TAF4B: variants seen among roughly 807,000 people sequenced by gnomAD.
TAF4B encodes the protein transcription initiation factor TFIID subunit 4B.
A neutral mutation model predicts 86.4 loss-of-function variants in TAF4B; 38 were observed. The ratio of observed to expected loss-of-function variants is 0.44; its 90% CI spans 0.34 to 0.58. The LOEUF (loss-of-function observed/expected upper bound fraction) is 0.58. TAF4B is among the 20% of genes least tolerant of loss of function. TAF4B has a pLI of 0.02. For synonymous variants in TAF4B, 388 were observed against 391.2 expected, an observed-to-expected ratio of 0.99 and a Z score of 0.10; for missense variants, 988 against 1,027.6, an observed-to-expected ratio of 0.96 and a Z score of 0.53.
intron 14 of TAF4B, among the ~76,000 whole-genome samples, chr18:26,362,503 A>G (rs77047953): frequency 0.077 from 11,793 of 152,282 alleles, 563 homozygotes; most frequent in Non-Finnish European, 0.1. Context: ...TATAATAAAC[A>G]GATTTTTAGG....
rs576801569 is a variant in TAF4B, at chr18:26,312,938, A to G, written c.1833-2291A>G. On this transcript the variant is annotated intron_variant, in intron 9 of 14. Transcript: ENST00000269142. ...TATTTTGATTGGGCAATCCATATAT[A>G]TAGTACAACATTCAAAAGATAGAAA... Among the ~76,000 whole-genome samples the G allele has an allele frequency of 5.3e-5, 8 of 152,348 alleles. No homozygotes were observed. The South Asian group carries it at 8.3e-4, about 16-fold the overall frequency.
intron 1 of TAF4B, among the ~76,000 whole-genome samples, chr18:26,230,959 A>G (rs1376448936): frequency 4.7e-5 from 7 of 149,188 alleles, no homozygotes; most frequent in Admixed American, 6.7e-5. Context: ...CAAAAGCAGT[A>G]TATGTTCATG....
In TAF4B at chr18:26,285,913, C is replaced by T; in HGVS notation, c.1004C>T (p.Pro335Leu). The T allele has an allele frequency of 1.2e-6, 2 of 1,612,042 alleles. No homozygotes were observed. Among genetic ancestry groups the T allele is most frequent in the Non-Finnish European group, 1.7e-6 (2 of 1,178,650 alleles). Residue 335 changes from proline (P) to leucine (L), a missense_variant, in exon 7 of 15, where the codon CCT becomes CTT. Pro to Leu is a moderately conservative substitution (Grantham distance 98, BLOSUM62 -3). Coordinates refer to ENST00000269142, the MANE Select transcript of TAF4B (RefSeq NM_005640.3). ...KSVVALRQLL[P>L]NSQSFIQQCV... ...GTGGTTGCCTTACGACAACTTCTGC[C>T]TAACTCCCAGAGCTTCATCCAGCAA...
At chr18:26,356,883 T>A (rs962937877) in intron 13 of TAF4B, among the ~76,000 whole-genome samples, 1 of 151,888 alleles carries the variant, frequency 6.6e-6, no homozygotes, top group Non-Finnish European at 1.5e-5. Flanking sequence ...AGGACATCTT[T>A]CATGCATACC....
In TAF4B at chr18:26,293,530, C is replaced by T. The variant is rs587777427; in HGVS notation, c.1831C>T (p.Arg611Ter). 8 of 1,538,998 alleles carry T rather than the reference C, an allele frequency of 5.2e-6. No homozygotes were observed. The highest frequency in any genetic ancestry group is 6.1e-6 in the Non-Finnish European group (7 of 1,148,782). ...AAAAGAGAATGTAACATCATGCTTC[C>T]GGTAAGAAAATAAATAGTTAAATTT... Reference protein sequence around the residue: ...RIKENVTSCFRDEDDINDVTS... With the variant: ...RIKENVTSCF Residue 611 changes from arginine to a stop codon, truncating the protein, a stop_gained and splice_region_variant, in exon 9 of 15, where the codon CGA becomes TGA. Transcript: ENST00000269142. LOFTEE classifies it high-confidence loss of function.
At chr18:26,312,564 C>G (rs1168467069) in intron 9 of TAF4B, among the ~76,000 whole-genome samples, 1 of 152,152 alleles carries the variant, frequency 6.6e-6, no homozygotes, top group African/African-American at 2.4e-5. Context: ...GGACTGTCTC[C>G]TCATTGACTG....
At chr18:26,330,579 A>AT (rs1359279709) in intron 12 of TAF4B, among the ~76,000 whole-genome samples, 21 of 152,310 alleles carry the variant, frequency 1.4e-4, no homozygotes, top group African/African-American at 4.8e-4. Flanking sequence ...GGCCTTCTCA[A>AT]TGGACAGATC....
rs199991147 is a variant in TAF4B, at chr18:26,381,360, A to G, written c.2422-8485A>G. Among the ~76,000 whole-genome samples the G allele has an allele frequency of 2.6e-5, 4 of 151,916 alleles. No homozygotes were observed. In the East Asian group the frequency reaches 7.7e-4, roughly 29 times the overall value. The stretch of plus-strand genomic sequence containing the variant: ...TGCTGTGACTCTGTTCAGAGGTACA[A>G]TGTGCATCCTTAACTGACTACACTT... On this transcript the variant is annotated intron_variant, in intron 14 of 14. Coordinates refer to ENST00000269142, the MANE Select transcript of TAF4B (RefSeq NM_005640.3).
intron 5 of TAF4B, among the ~76,000 whole-genome samples, chr18:26,276,361 A>C (rs901058246): frequency 1.2e-4 from 18 of 152,212 alleles, no homozygotes; most frequent in Admixed American, 9.2e-4. Context: ...AATATTTCAT[A>C]TTATATGCTT....
In TAF4B at chr18:26,286,142, A is replaced by G. The variant is rs2056519184; in HGVS notation, c.1233A>G (p.Thr411=). 7 of 1,614,078 alleles carry G rather than the reference A, an allele frequency of 4.3e-6. No homozygotes were observed. The highest frequency in any genetic ancestry group is 5.1e-6 in the Non-Finnish European group (6 of 1,180,024). Residue 411 remains threonine (T), a synonymous_variant, in exon 7 of 15, where the codon ACA becomes ACG. Coordinates refer to ENST00000269142, the MANE Select transcript of TAF4B (RefSeq NM_005640.3). ...TGGGAGCAAAAGCTGGAGTTGTGACACTTCATTCTGTGGGCCCAACTGCTG... is the reference window on the plus strand; with the variant it reads ...TGGGAGCAAAAGCTGGAGTTGTGACGCTTCATTCTGTGGGCCCAACTGCTG... ...GPVGAKAGVV[T]LHSVGPTAAT...
At chr18:26,291,622 G>A (rs12957340) in intron 7 of TAF4B, among the ~76,000 whole-genome samples, 60,694 of 148,962 alleles carry the variant, frequency 0.41, 12,998 homozygotes, top group African/African-American at 0.51. Context: ...CATGAGAATC[G>A]CTTGAACCTG....
Position 26,282,028 on chromosome 18 carries a change from T to C in TAF4B, c.940T>C (p.Ser314Pro), listed in dbSNP as rs1396995320. ...TRKLYVELKSSPQPHLVPFLK... is the reference protein window; with the variant it reads ...TRKLYVELKSPPQPHLVPFLK... ...GAAACTGTATGTTGAACTCAAGTCT[T>C]CACCTCAGCCTCACCTGGTTCCTTT... is the stretch of plus-strand genomic sequence containing the variant. The change falls in exon 6 of 15, where the codon TCA (serine) becomes CCA (proline). Residue 314 changes from serine to proline, a missense_variant. Ser to Pro is a moderately conservative substitution (Grantham distance 74, BLOSUM62 -1). Transcript: ENST00000269142. The C allele has an allele frequency of 1.2e-6, 2 of 1,613,554 alleles. No homozygotes were observed.
Position 26,270,690 on chromosome 18 carries a change from C to T in TAF4B, c.597+3067C>T, listed in dbSNP as rs570173534. Among the ~76,000 whole-genome samples, 5 of 150,932 alleles carry T rather than the reference C, an allele frequency of 3.3e-5. No individual in the cohort carries two copies. In the East Asian group the frequency reaches 9.6e-4, roughly 29 times the overall value. ...GGTGAAGGGGAAAATCTTTACTAAG[C>T]TTAAACTAAAACTTAGAGTTTCTTG... On this transcript the variant is annotated intron_variant, in intron 3 of 14. Transcript: ENST00000269142.
chr18:26,317,665 T>A (rs1205041631), intron 10 of TAF4B, among the ~76,000 whole-genome samples: 3 of 152,204 alleles, frequency 2.0e-5, no homozygotes, highest in Non-Finnish European at 4.4e-5. Context: ...CCATTTGAGA[T>A]CAGGGTGCCA....
chr18:26,234,755 A>G (rs2055723455), intron 1 of TAF4B, among the ~76,000 whole-genome samples: 1 of 152,196 alleles, frequency 6.6e-6, no homozygotes, highest in South Asian at 2.1e-4. Context: ...ATCCTCTAGG[A>G]GAAAAGTAGC....
intron 13 of TAF4B, among the ~76,000 whole-genome samples, chr18:26,344,672 GT>G (rs1568163675): frequency 6.6e-6 from 1 of 152,214 alleles, no homozygotes; most frequent in African/African-American, 2.4e-5. Flanking sequence ...ATTAAAGTAT[GT>G]TTAAGTGAAA....
At chr18:26,382,262 C>T in intron 14 of TAF4B, among the ~76,000 whole-genome samples, 1 of 152,118 alleles carries the variant, frequency 6.6e-6, no homozygotes, top group East Asian at 1.9e-4. Flanking sequence ...TTTCAGAGGT[C>T]TTTGCAAGTG....
rs1168903108 is a variant in TAF4B at position 26,321,181 on chromosome 18, A to C, written c.2114A>C (p.His705Pro). 1 of 1,613,834 alleles carries C rather than the reference A, an allele frequency of 6.2e-7. No homozygotes were observed. The highest frequency in any genetic ancestry group is 1.7e-5 in the Admixed American group (1 of 60,006). ...LLEKLTAIAQHRMTTYKASEN... is the reference protein window; with the variant it reads ...LLEKLTAIAQPRMTTYKASEN... ...GAAAAACTGACTGCAATTGCTCAGC[A>C]TCGAATGACTACTTACAAGGTAAAG... The change falls in exon 11 of 15, where the codon CAT (histidine) becomes CCT (proline). Residue 705 changes from histidine to proline, a missense_variant. Physicochemically the swap from His to Pro is moderately conservative, Grantham distance 77 (BLOSUM62 -2). Coordinates refer to ENST00000269142, the MANE Select transcript of TAF4B (RefSeq NM_005640.3).
intron 9 of TAF4B, among the ~76,000 whole-genome samples, chr18:26,307,011 G>C (rs946175848): frequency 6.6e-6 from 1 of 151,890 alleles, no homozygotes; most frequent in Non-Finnish European, 1.5e-5. Context: ...AGATGGTCTC[G>C]ATCTCCTGAC....
Sources: allele counts gnomAD v4.1 joint callset (sites outside exome capture counted in the v4.1 genomes callset), GRCh38; gene constraint gnomAD v4.1.1; transcripts MANE v1.5; gene names NCBI Gene and HGNC (gene_info 2026-07-23, HGNC 2026-07-21).